IKZF2: variants seen among roughly 807,000 people sequenced by gnomAD.
IKZF2 encodes zinc finger protein Helios.
A neutral mutation model predicts 49.2 loss-of-function variants in IKZF2; 15 were observed. That is an observed-to-expected ratio of 0.30 (90% CI 0.20 to 0.47). The LOEUF (loss-of-function observed/expected upper bound fraction) is 0.47, where lower values mean the gene tolerates loss of function less well. Ranked by LOEUF, IKZF2 falls within the 20% of genes least tolerant of loss-of-function variation. The probability of loss-of-function intolerance (pLI) is 1.00; values close to 1 mark genes in which losing one functional copy is unlikely to be tolerated. For synonymous variants in IKZF2, 227 were observed against 221.4 expected, an observed-to-expected ratio of 1.03 and a Z score of -0.23; for missense variants, 567 against 664.6, an observed-to-expected ratio of 0.85 and a Z score of 1.61.
chr2:213,057,642 C>T (rs571764172), intron 4 of IKZF2, among the ~76,000 whole-genome samples: 3 of 152,196 alleles, frequency 2.0e-5, no homozygotes, highest in East Asian at 3.9e-4. Context: ...ACTGTCAAGG[C>T]AATGTTCTAA....
chr2:213,106,467 C>G (rs933328721), intron 4 of IKZF2, among the ~76,000 whole-genome samples: 1 of 151,616 alleles, frequency 6.6e-6, no homozygotes, highest in African/African-American at 2.4e-5. Flanking sequence ...AGTGAGACCT[C>G]GGATCTAGAG....
chr2:213,050,978 T>C (rs1370661084), intron 5 of IKZF2, among the ~76,000 whole-genome samples: 1 of 152,092 alleles, frequency 6.6e-6, no homozygotes, highest in Non-Finnish European at 1.5e-5. Flanking sequence ...ACAATTCCCT[T>C]TTGGTTGAAC....
intron 5 of IKZF2, chr2:213,056,472 C>T: frequency 2.9e-6 from 1 of 349,836 alleles, no homozygotes; most frequent in South Asian, 2.5e-5. Context: ...AGTATAAACT[C>T]TTATCTAGCA....
rs1244985182 is a variant in IKZF2, at chr2:213,000,695, C to A, written c.*6665G>T. 6.6e-6 allele frequency: 1 copy of A among 151,704 alleles called. No homozygotes were observed. Among genetic ancestry groups the A allele is most frequent in the South Asian group, 2.1e-4 (1 of 4,804 alleles). 9.4% of individuals were successfully genotyped at this position (151,704 alleles called of 1,614,324 possible). A position where few individuals can be genotyped will look rare whatever the true frequency, so the allele number is the denominator to read the frequency against. ...CTCCAAATATTTTTAAAAAAAATTT[C>A]TCCAATAGGTGATATGTAAGTGTTT... On this transcript the variant is annotated 3_prime_UTR_variant, in exon 9 of 9. Transcript: ENST00000434687.
intron 6 of IKZF2, among the ~76,000 whole-genome samples, chr2:213,043,678 C>T (rs1317439238): frequency 6.6e-6 from 1 of 152,188 alleles, no homozygotes; most frequent in African/African-American, 2.4e-5. Flanking sequence ...GCATTAGATT[C>T]TCATAAGGAG....
intron 4 of IKZF2, among the ~76,000 whole-genome samples, chr2:213,058,298 T>A (rs2125394307): frequency 6.6e-6 from 1 of 152,180 alleles, no homozygotes; most frequent in South Asian, 2.1e-4. Context: ...TGAACTCAGA[T>A]TACTGAATAA....
chr2:213,001,087 T>C lies in IKZF2; in HGVS notation c.*6273A>G, dbSNP rs11901655. ...GTCAGAAAAGAAAAAAAAATCACCA[T>C]AGTTTTTAAGACTTCAAGGGGAGTA... On this transcript the variant is annotated 3_prime_UTR_variant, in exon 9 of 9. Transcript: ENST00000434687. The C allele has an allele frequency of 4.6e-5, 7 of 151,894 alleles. No individual in the cohort carries two copies. The highest frequency in any genetic ancestry group is 1.7e-4 in the African/African-American group (7 of 41,380). The allele number at this position is 151,894 out of a possible 1,614,324, so 9.4% of individuals were successfully genotyped here. A position where few individuals can be genotyped will look rare whatever the true frequency, so the allele number is the denominator to read the frequency against.
At chr2:213,151,806 G>C (rs1575021542), upstream of IKZF2, among the ~76,000 whole-genome samples, 1 of 148,214 alleles carries the variant, frequency 6.7e-6, no homozygotes, top group South Asian at 2.1e-4. Context: ...GCGCGCGCGT[G>C]CGTGTGTGCG....
At chr2:213,039,952 A>G (rs1389231041) in intron 6 of IKZF2, among the ~76,000 whole-genome samples, 1 of 152,126 alleles carries the variant, frequency 6.6e-6, no homozygotes, top group Non-Finnish European at 1.5e-5. Context: ...TCTTAAATAT[A>G]TGGTTCTCTT....
At chr2:213,029,724 C>T (rs965717095) in intron 6 of IKZF2, among the ~76,000 whole-genome samples, 1 of 151,912 alleles carries the variant, frequency 6.6e-6, no homozygotes, top group Non-Finnish European at 1.5e-5. Context: ...ATAATTTTCC[C>T]AAATGGATAA....
intron 4 of IKZF2, among the ~76,000 whole-genome samples, chr2:213,059,498 A>G (rs1701481551): frequency 6.6e-6 from 1 of 151,610 alleles, no homozygotes; most frequent in South Asian, 2.1e-4. Flanking sequence ...GTTATCCCAT[A>G]TAGTGTTATA....
chr2:213,104,645 C>T (rs1462444643), intron 4 of IKZF2, among the ~76,000 whole-genome samples: 4 of 152,122 alleles, frequency 2.6e-5, no homozygotes, highest in Non-Finnish European at 5.9e-5. Context: ...CTGATAAGGG[C>T]ACGCATAGAA....
At chr2:213,066,409 A>G (rs1047568559) in intron 4 of IKZF2, among the ~76,000 whole-genome samples, 1 of 152,068 alleles carries the variant, frequency 6.6e-6, no homozygotes, top group Non-Finnish European at 1.5e-5. Flanking sequence ...GGAACCCAAC[A>G]GGTTTCCATA....
At chr2:213,079,259 G>T (rs1035685326) in intron 4 of IKZF2, among the ~76,000 whole-genome samples, 1 of 151,990 alleles carries the variant, frequency 6.6e-6, no homozygotes, top group Non-Finnish European at 1.5e-5. Context: ...CGTGTTTGTA[G>T]TCCCAACTAC....
chr2:213,015,014 G>A (rs1241657226), intron 7 of IKZF2: 1 of 151,952 alleles, frequency 6.6e-6, no homozygotes, highest in Non-Finnish European at 1.5e-5. Context: ...TAGTCCCACT[G>A]TGTACAAAAA....
Position 213,144,133 on chromosome 2 carries a change from G to C in IKZF2, c.139+3575C>G, listed in dbSNP as rs547285042. Among the ~76,000 whole-genome samples, 10 of 152,014 alleles carry C rather than the reference G, an allele frequency of 6.6e-5. No individual in the cohort carries two copies. In the South Asian group the frequency reaches 2.1e-3, roughly 32 times the overall value. The stretch of plus-strand genomic sequence containing the variant: ...AAATTAATGTGAAGTACTCTGAAAA[G>C]AATAAACTAGATTCCCTGACCTGAT... On this transcript the variant is annotated intron_variant, in intron 4 of 8. Transcript: ENST00000434687.
chr2:213,124,269 CACACACACACACACA>C (rs2060176000), intron 4 of IKZF2, among the ~76,000 whole-genome samples: 4 of 137,672 alleles, frequency 2.9e-5, no homozygotes, highest in African/African-American at 1.1e-4. Context: ...CACACACACA[CACACACACACACACA>C]CACACACACA....
chr2:213,038,999 T>C (rs1283351877), intron 6 of IKZF2, among the ~76,000 whole-genome samples: 1 of 152,038 alleles, frequency 6.6e-6, no homozygotes, highest in Non-Finnish European at 1.5e-5. Flanking sequence ...CCAAGCCACA[T>C]GGTAATTTTT....
At chr2:213,143,468 CT>C (rs886907628) in intron 4 of IKZF2, among the ~76,000 whole-genome samples, 2 of 151,554 alleles carry the variant, frequency 1.3e-5, no homozygotes, top group East Asian at 3.9e-4. Context: ...TTTTACTTTC[CT>C]TTTTTTTCCC....
Sources: allele counts gnomAD v4.1 joint callset (sites outside exome capture counted in the v4.1 genomes callset), GRCh38; gene constraint gnomAD v4.1.1; transcripts MANE v1.5; gene names NCBI Gene and HGNC (gene_info 2026-07-23, HGNC 2026-07-21).